Variants in GOLIM4 observed in about 807,000 individuals in gnomAD.
The protein encoded by GOLIM4 is golgi integral membrane protein 4, also known as 130 kDa golgi-localized phosphoprotein.
Under a neutral mutation model 107.4 loss-of-function variants are expected in GOLIM4, and 71 were observed. The ratio of observed to expected loss-of-function variants is 0.66; its 90% CI spans 0.55 to 0.81. The LOEUF (loss-of-function observed/expected upper bound fraction) is 0.81. Among genes scored for constraint, GOLIM4 ranks in the 30% least tolerant of loss-of-function variants. The probability of loss-of-function intolerance (pLI) is 0.00; values close to 1 mark genes in which losing one functional copy is unlikely to be tolerated. For missense variants in GOLIM4, 830 were observed against 826.1 expected, an observed-to-expected ratio of 1.00 and a Z score of -0.06; for synonymous variants, 327 against 294.8, an observed-to-expected ratio of 1.11 and a Z score of -1.12.
chr3:168,009,580 A>G lies in GOLIM4; in HGVS notation c.*689T>C, dbSNP rs899662080. The G allele has an allele frequency of 2.0e-5, 3 of 152,220 alleles. No individual in the cohort carries two copies. Among genetic ancestry groups the G allele is most frequent in the Non-Finnish European group, 4.4e-5 (3 of 68,044 alleles). The allele number at this position is 152,220 out of a possible 1,614,324, so 9.4% of individuals were successfully genotyped here. A position where few individuals can be genotyped will look rare whatever the true frequency, so the allele number is the denominator to read the frequency against. On this transcript the variant is annotated 3_prime_UTR_variant, in exon 16 of 16. Transcript: ENST00000470487. The stretch of plus-strand genomic sequence containing the variant: ...GTTTGAACACTGCAATACCTGATTA[A>G]GACCAGGATACTGCCACATGAGTTT...
intron 1 of GOLIM4, among the ~76,000 whole-genome samples, chr3:168,053,005 A>G (rs944567597): frequency 2.6e-5 from 4 of 152,234 alleles, no homozygotes; most frequent in Non-Finnish European, 5.9e-5. Context: ...ATGAAAATCC[A>G]TAATACTCAT....
At chr3:168,080,943 G>A (rs932917432) in intron 1 of GOLIM4, among the ~76,000 whole-genome samples, 1 of 152,124 alleles carries the variant, frequency 6.6e-6, no homozygotes, top group African/African-American at 2.4e-5. Context: ...TTTATTTATA[G>A]GAGTGATTTG....
chr3:168,012,271 C>T (rs1717088608), intron 14 of GOLIM4, among the ~76,000 whole-genome samples: 2 of 138,288 alleles, frequency 1.4e-5, no homozygotes, highest in African/African-American at 6.9e-5. Flanking sequence ...ATGCAATCAA[C>T]TGTAAGAAAG....
chr3:168,070,961 A>G (rs1401963334), intron 1 of GOLIM4, among the ~76,000 whole-genome samples: 4 of 152,158 alleles, frequency 2.6e-5, no homozygotes, highest in Non-Finnish European at 5.9e-5. Context: ...GTCCTTTTTA[A>G]TTCAAAGGTG....
chr3:168,029,658 G>A, intron 10 of GOLIM4, 122 bp downstream of exon 10: 1 of 1,035,750 alleles, frequency 9.7e-7, no homozygotes, highest in Non-Finnish European at 1.4e-6. Context: ...GTCCTGCCTT[G>A]GCTATTTGAG....
intron 14 of GOLIM4, among the ~76,000 whole-genome samples, chr3:168,018,110 T>C (rs1717477689): frequency 1.3e-5 from 2 of 152,186 alleles, no homozygotes; most frequent in South Asian, 4.1e-4. Context: ...CGGTTAAGTA[T>C]AATGCAGTCT....
intron 11 of GOLIM4, 93 bp downstream of exon 11, chr3:168,029,130 G>C (rs1718166602): frequency 6.2e-6 from 5 of 805,860 alleles, no homozygotes; most frequent in Non-Finnish European, 1.0e-5. Flanking sequence ...TATGCATACA[G>C]CTCATTGATG....
chr3:168,066,883 C>T (rs1029682513), intron 1 of GOLIM4, among the ~76,000 whole-genome samples: 13 of 151,944 alleles, frequency 8.6e-5, no homozygotes, highest in Non-Finnish European at 1.5e-4. Context: ...TTTCAATGTT[C>T]TGAATTTCTG....
intron 1 of GOLIM4, among the ~76,000 whole-genome samples, chr3:168,087,628 C>T (rs371609761): frequency 9.5e-4 from 145 of 152,256 alleles, no homozygotes; most frequent in African/African-American, 3.4e-3. Context: ...CCCCATATGA[C>T]CCACCTAACC....
Position 168,095,451 on chromosome 3 carries a change from C to G in GOLIM4, c.-166G>C, listed in dbSNP as rs996949331. 3.6e-6 allele frequency: 2 copies of G among 554,672 alleles called. No homozygotes were observed. The highest frequency in any genetic ancestry group is 3.1e-6 in the Non-Finnish European group (1 of 323,970). 34.4% of individuals were successfully genotyped at this position (554,672 alleles called of 1,614,324 possible). A position where few individuals can be genotyped will look rare whatever the true frequency, so the allele number is the denominator to read the frequency against. ...GGGGAAGTGGCGCCCGCTCAGCCCC[C>G]GCGCGGCGCGGGGCGCGCAGCCATC... is the stretch of plus-strand genomic sequence containing the variant. On this transcript the variant is annotated 5_prime_UTR_variant, in exon 1 of 16. Transcript: ENST00000470487.
At chr3:168,095,030 A>T in intron 1 of GOLIM4, 69 bp downstream of exon 1, 2 of 1,285,338 alleles carry the variant, frequency 1.6e-6, no homozygotes, top group Non-Finnish European at 2.2e-6. Context: ...CACCAAAGCC[A>T]CTTTTCCTGC....
Position 168,029,760 on chromosome 3 carries a change from T to C in GOLIM4, c.1433+20A>G, listed in dbSNP as rs1718201423. 1 of 1,609,384 alleles carries C rather than the reference T, an allele frequency of 6.2e-7. No individual in the cohort carries two copies. The stretch of plus-strand genomic sequence containing the variant: ...CTGGAGCAGGGGCTGTCTTCGTTCA[T>C]TAAGGAAGGGGAAGGCTACCGGAGC... On this transcript the variant is annotated intron_variant, in intron 10 of 15. Coordinates refer to ENST00000470487, the MANE Select transcript of GOLIM4 (RefSeq NM_014498.5).
intron 1 of GOLIM4, among the ~76,000 whole-genome samples, chr3:168,091,773 G>T (rs996166386): frequency 6.6e-6 from 1 of 152,004 alleles, no homozygotes. Flanking sequence ...TATAAAATAG[G>T]TTATTCTAAT....
chr3:168,072,031 G>A (rs1254370382), intron 1 of GOLIM4, among the ~76,000 whole-genome samples: 1 of 151,998 alleles, frequency 6.6e-6, no homozygotes, highest in Non-Finnish European at 1.5e-5. Flanking sequence ...GGCCAGTCTT[G>A]GACTCTGGAT....
At chr3:168,033,627 AAAAAAAAAAAAAAAGAATGCCATTAC>A (rs1718469417) in intron 8 of GOLIM4, among the ~76,000 whole-genome samples, 1 of 146,186 alleles carries the variant, frequency 6.8e-6, no homozygotes, top group African/African-American at 2.7e-5. Flanking sequence ...AAAAAAAAAA[AAAAAAAAAAAAAAAGAATGCCATTAC>A]TAATGAACAT....
At chr3:168,023,229 A>G (rs1488450725) in intron 14 of GOLIM4, among the ~76,000 whole-genome samples, 1 of 152,234 alleles carries the variant, frequency 6.6e-6, no homozygotes, top group Non-Finnish European at 1.5e-5. Flanking sequence ...ACATCCTGTT[A>G]TATGAGAAGC....
intron 1 of GOLIM4, among the ~76,000 whole-genome samples, chr3:168,048,844 G>C (rs1719464361): frequency 6.6e-6 from 1 of 152,094 alleles, no homozygotes; most frequent in Admixed American, 6.6e-5. Context: ...TCTGAATTAA[G>C]GCTGCCTGGA....
At chr3:168,081,705 A>G (rs1721376431) in intron 1 of GOLIM4, among the ~76,000 whole-genome samples, 1 of 152,172 alleles carries the variant, frequency 6.6e-6, no homozygotes, top group South Asian at 2.1e-4. Context: ...GTAATAACAC[A>G]GAGTTATTAC....
chr3:168,040,312 C>T (rs1474936158), intron 7 of GOLIM4, among the ~76,000 whole-genome samples: 1 of 152,180 alleles, frequency 6.6e-6, no homozygotes. Flanking sequence ...GACTCTTCTA[C>T]TTTTCTGTAA....
Sources: allele counts gnomAD v4.1 joint callset (sites outside exome capture counted in the v4.1 genomes callset), GRCh38; gene constraint gnomAD v4.1.1; transcripts MANE v1.5; gene names NCBI Gene and HGNC (gene_info 2026-07-23, HGNC 2026-07-21).